ZNRF2: variants seen among roughly 807,000 people sequenced by gnomAD.
The protein encoded by ZNRF2 is zinc and ring finger 2.
Under a neutral mutation model 20.4 loss-of-function variants are expected in ZNRF2, and 16 were observed. The ratio of observed to expected loss-of-function variants is 0.79; its 90% confidence interval spans 0.53 to 1.19. ZNRF2 has a LOEUF of 1.19. Among genes scored for constraint, ZNRF2 ranks in the 50% most tolerant of loss-of-function variants. ZNRF2 has a pLI of 0.00. For missense variants in ZNRF2, 363 were observed against 332.4 expected (o/e 1.09, Z -0.72); for synonymous variants, 178 against 144.9 (o/e 1.23, Z -1.64).
At chr7:30,286,940 T>C (rs1798801527) in intron 1 of ZNRF2, among the ~76,000 whole-genome samples, 1 of 152,222 alleles carries the variant, frequency 6.6e-6, no homozygotes, top group Admixed American at 6.5e-5. Context: ...TACGTAGTAA[T>C]TTATCCGTTC....
At chr7:30,339,277 T>A (rs1799760465) in intron 2 of ZNRF2, among the ~76,000 whole-genome samples, 1 of 152,226 alleles carries the variant, frequency 6.6e-6, no homozygotes, top group South Asian at 2.1e-4. Flanking sequence ...TTTAATTAGA[T>A]CCCATTTGTC....
intron 2 of ZNRF2, among the ~76,000 whole-genome samples, chr7:30,345,017 T>C (rs1314795052): frequency 2.0e-5 from 3 of 152,164 alleles, no homozygotes; most frequent in African/African-American, 4.8e-5. Context: ...CAAAGAACTC[T>C]TTTTTATGAC....
At chr7:30,322,889 A>T (rs1799495414) in intron 1 of ZNRF2, among the ~76,000 whole-genome samples, 1 of 152,170 alleles carries the variant, frequency 6.6e-6, no homozygotes, top group Non-Finnish European at 1.5e-5. Context: ...GAGGGGGCAG[A>T]ACAGAGCTGA....
chr7:30,346,374 A>G (rs1478283636), intron 2 of ZNRF2, among the ~76,000 whole-genome samples: 1 of 151,454 alleles, frequency 6.6e-6, no homozygotes, highest in Non-Finnish European at 1.5e-5. Flanking sequence ...TTGTATTTTT[A>G]GTAGAGACAG....
rs1800139636 is a variant in ZNRF2, at chr7:30,362,359, G to T, written c.672-18G>T. 2.6e-6 allele frequency: 4 copies of T among 1,549,102 alleles called. No individual in the cohort carries two copies. The highest frequency in any genetic ancestry group is 1.7e-5 in the Admixed American group (1 of 57,230). On this transcript the variant is annotated intron_variant, in intron 3 of 4. Transcript: ENST00000323037. ...TTAGTATAAGTATCTCAATTTTTCT[G>T]GTTTTGTTCCTTTCTAGCTGCATAG... is the stretch of plus-strand genomic sequence containing the variant.
intron 2 of ZNRF2, among the ~76,000 whole-genome samples, chr7:30,324,345 C>T (rs1055466276): frequency 6.6e-6 from 1 of 150,526 alleles, no homozygotes; most frequent in Non-Finnish European, 1.5e-5. Context: ...ACCAGCCTGG[C>T]CAACATGGTG....
intron 1 of ZNRF2, among the ~76,000 whole-genome samples, chr7:30,307,379 G>A (rs543727188): frequency 1.4e-5 from 2 of 138,482 alleles, no homozygotes; most frequent in African/African-American, 5.5e-5. Flanking sequence ...ATTGGAGTGG[G>A]AAGGAGAAAA....
At chr7:30,301,631 A>G (rs1039211585) in intron 1 of ZNRF2, among the ~76,000 whole-genome samples, 1 of 151,450 alleles carries the variant, frequency 6.6e-6, no homozygotes, top group African/African-American at 2.4e-5. Flanking sequence ...AACTAGCTTT[A>G]GAACCTTCAT....
chr7:30,329,312 G>A (rs191580355), intron 2 of ZNRF2, among the ~76,000 whole-genome samples: 2 of 152,088 alleles, frequency 1.3e-5, no homozygotes, highest in African/African-American at 4.8e-5. Flanking sequence ...TGCTTTTCTA[G>A]TTATTTTGAA....
At chr7:30,324,038 A>G (rs1799514274) in intron 2 of ZNRF2, among the ~76,000 whole-genome samples, 1 of 152,248 alleles carries the variant, frequency 6.6e-6, no homozygotes, top group South Asian at 2.1e-4. Context: ...TTATGTTGAC[A>G]ACTTTTAAAT....
intron 1 of ZNRF2, among the ~76,000 whole-genome samples, chr7:30,295,040 AGAGAGAGAGAGTGTGTGTGTGTGTGT>A (rs1798990051): frequency 8.7e-6 from 1 of 115,028 alleles, no homozygotes; most frequent in African/African-American, 4.1e-5. Flanking sequence ...AGAGAGAGAG[AGAGAGAGAGAGTGTGTGTGTGTGTGT>A]GTGTGTGTGT....
Position 30,331,450 on chromosome 7 carries a change from G to A in ZNRF2, c.565+7713G>A, listed in dbSNP as rs112309932. ...TCTGGCTGAATAGATAGGTTAAGTGGCAGATTAGATAGAGCTGCAAGGAGA... is the reference window on the plus strand; with the variant it reads ...TCTGGCTGAATAGATAGGTTAAGTGACAGATTAGATAGAGCTGCAAGGAGA... On this transcript the variant is annotated intron_variant, in intron 2 of 4. Coordinates refer to ENST00000323037, the MANE Select transcript of ZNRF2 (RefSeq NM_147128.4). Among the ~76,000 whole-genome samples the A allele has an allele frequency of 3.5e-3, 536 of 152,262 alleles. 3 individuals are homozygous for A. Among genetic ancestry groups the A allele is most frequent in the African/African-American group, 0.012 (508 of 41,556 alleles).
chr7:30,361,436 G>A (rs1293012101), intron 3 of ZNRF2, among the ~76,000 whole-genome samples: 1 of 152,148 alleles, frequency 6.6e-6, no homozygotes. Context: ...TTGCCCTTCA[G>A]TATATTAACC....
At chr7:30,294,082 T>C (rs1798965145) in intron 1 of ZNRF2, among the ~76,000 whole-genome samples, 1 of 151,920 alleles carries the variant, frequency 6.6e-6, no homozygotes, top group Non-Finnish European at 1.5e-5. Flanking sequence ...ATGTGTAATA[T>C]GTTTCAGAGA....
intron 1 of ZNRF2, among the ~76,000 whole-genome samples, chr7:30,297,466 A>G (rs567193826): frequency 1.5e-3 from 224 of 152,248 alleles, no homozygotes; most frequent in African/African-American, 4.6e-3. Context: ...TGAGGCTTCC[A>G]TTCCTGAAAA....
At chr7:30,294,910 C>T (rs1798983042) in intron 1 of ZNRF2, among the ~76,000 whole-genome samples, 1 of 150,798 alleles carries the variant, frequency 6.6e-6, no homozygotes, top group African/African-American at 2.4e-5. Context: ...TGAAAAGGAT[C>T]CTAGGGTAAC....
intron 2 of ZNRF2, among the ~76,000 whole-genome samples, chr7:30,338,067 T>A (rs1248101412): frequency 6.6e-6 from 1 of 152,186 alleles, no homozygotes; most frequent in Non-Finnish European, 1.5e-5. Context: ...TTCTTTACAA[T>A]TGCCTTATAT....
At chr7:30,310,556 G>A (rs1447176288) in intron 1 of ZNRF2, among the ~76,000 whole-genome samples, 1 of 152,140 alleles carries the variant, frequency 6.6e-6, no homozygotes, top group Non-Finnish European at 1.5e-5. Context: ...AGTGGGCACT[G>A]AAATTTGAAT....
At chr7:30,296,651 C>A (rs1438776867) in intron 1 of ZNRF2, among the ~76,000 whole-genome samples, 1 of 152,194 alleles carries the variant, frequency 6.6e-6, no homozygotes, top group Non-Finnish European at 1.5e-5. Flanking sequence ...TATCTGGTCA[C>A]CTTGAAATCT....
Sources: allele counts gnomAD v4.1 joint callset (sites outside exome capture counted in the v4.1 genomes callset), GRCh38; gene constraint gnomAD v4.1.1; transcripts MANE v1.5; gene names NCBI Gene and HGNC (gene_info 2026-07-23, HGNC 2026-07-21).